Variants in MAPK8 observed in about 807,000 individuals in gnomAD.
MAPK8 encodes the protein JUN N-terminal kinase.
In MAPK8, 13 loss-of-function variants were observed where a neutral mutation model predicts 52.9. The observed-to-expected ratio is 0.25, with a 90% CI of 0.16 to 0.39. The LOEUF (loss-of-function observed/expected upper bound fraction) is 0.39. MAPK8 is among the 10% of genes least tolerant of loss of function. MAPK8 has a pLI of 1.00. For missense variants in MAPK8, 300 were observed against 519.2 expected (o/e 0.58, Z 4.10); for synonymous variants, 191 against 169.8 (o/e 1.12, Z -0.97).
intron 1 of MAPK8, among the ~76,000 whole-genome samples, chr10:48,345,254 A>G (rs1845660348): frequency 6.6e-6 from 1 of 152,182 alleles, no homozygotes; most frequent in Non-Finnish European, 1.5e-5. Context: ...TTGACCCAAT[A>G]CTTCTGTGAA....
rs147584001 is a variant in MAPK8, at chr10:48,353,671, A to G, written c.-50+46850A>G. Among the ~76,000 whole-genome samples the G allele has an allele frequency of 2.8e-3, 433 of 152,360 alleles. 3 individuals carry two copies. Among genetic ancestry groups the G allele is most frequent in the African/African-American group, 0.01 (416 of 41,582 alleles). ...GGGACATTTGTGATTCATTTGTATC[A>G]TGGAATCCTACTCAGCAATAAGAAG... is the stretch of plus-strand genomic sequence containing the variant. On this transcript the variant is annotated intron_variant, in intron 1 of 11. Coordinates refer to ENST00000374189, the MANE Select transcript of MAPK8 (RefSeq NM_001323329.2).
At chr10:48,366,713 A>G (rs1848079875) in intron 1 of MAPK8, among the ~76,000 whole-genome samples, 1 of 152,130 alleles carries the variant, frequency 6.6e-6, no homozygotes, top group East Asian at 1.9e-4. Flanking sequence ...AATCCACCAA[A>G]TTCATTTCAT....
chr10:48,426,425 C>T lies in MAPK8; in HGVS notation c.917C>T (p.Ala306Val). The change falls in exon 9 of 12, where the codon GCA (alanine) becomes GTA (valine). Residue 306 changes from alanine to valine, a missense_variant. This residue lies in a region of MAPK8 where 119 missense variants were observed against 154.4 expected (regional missense o/e 0.77). Coordinates refer to ENST00000374189, the MANE Select transcript of MAPK8 (RefSeq NM_001323329.2). Reference protein sequence around the residue: ...DLLSKMLVIDASKRISVDEAL... With the variant: ...DLLSKMLVIDVSKRISVDEAL... ...TTATCCAAAATGCTGGTAATAGATGCATCTAAAAGGATCTCTGTAGATGAA... is the reference window on the plus strand; with the variant it reads ...TTATCCAAAATGCTGGTAATAGATGTATCTAAAAGGATCTCTGTAGATGAA... 1 of 1,610,960 alleles carries T rather than the reference C, an allele frequency of 6.2e-7. No individual in the cohort carries two copies.
In MAPK8 at chr10:48,436,504, T is replaced by A. The variant is rs2044862788; in HGVS notation, c.*1475T>A. On this transcript the variant is annotated 3_prime_UTR_variant, in exon 12 of 12. Coordinates refer to ENST00000374189, the MANE Select transcript of MAPK8 (RefSeq NM_001323329.2). ...TCTCTGGAACAAGAGGGATTTCATG[T>A]AATGAACTAGGAAATGCATACTCAC... is the stretch of plus-strand genomic sequence containing the variant. 6.6e-6 allele frequency: 1 copy of A among 152,220 alleles called. No homozygotes were observed. The highest frequency in any genetic ancestry group is 1.5e-5 in the Non-Finnish European group (1 of 68,026). The allele number at this position is 152,220 out of a possible 1,614,324, so 9.4% of individuals were successfully genotyped here. A position where few individuals can be genotyped will look rare whatever the true frequency, so the allele number is the denominator to read the frequency against.
intron 1 of MAPK8, among the ~76,000 whole-genome samples, chr10:48,396,115 T>A (rs914630596): frequency 2.6e-5 from 4 of 151,956 alleles, no homozygotes; most frequent in Admixed American, 2.6e-4. Context: ...TTCATCAAAA[T>A]TAAAAACTTT....
intron 1 of MAPK8, among the ~76,000 whole-genome samples, chr10:48,344,181 A>G (rs942108371): frequency 6.6e-6 from 1 of 152,254 alleles, no homozygotes; most frequent in Admixed American, 6.5e-5. Context: ...CTGTAACCAC[A>G]AGAAGCAACG....
Position 48,317,440 on chromosome 10 carries a change from G to A in MAPK8, c.-50+10619G>A, listed in dbSNP as rs775634048. 2.4e-3 allele frequency among the ~76,000 whole-genome samples: 362 copies of A among 152,318 alleles called. 4 individuals carry two copies. The highest frequency in any genetic ancestry group is 3.0e-3 in the Non-Finnish European group (206 of 68,028). On this transcript the variant is annotated intron_variant, in intron 1 of 11. Transcript: ENST00000374189. Reference sequence around the variant, plus strand: ...CGCCTCCCAAAGTGCTGGGATTATAGGCGTGAGCCACCACACCCAGCCCCT... The same window carrying A: ...CGCCTCCCAAAGTGCTGGGATTATAAGCGTGAGCCACCACACCCAGCCCCT...
At chr10:48,403,481 A>G (rs2042267640) in intron 2 of MAPK8, among the ~76,000 whole-genome samples, 1 of 152,010 alleles carries the variant, frequency 6.6e-6, no homozygotes, top group African/African-American at 2.4e-5. Flanking sequence ...AATCAGAGCA[A>G]TTATGGTAAC....
rs1233962484 is a variant in MAPK8 at position 48,439,280 on chromosome 10, A to G, written c.*4251A>G. 6.7e-6 allele frequency: 1 copy of G among 149,922 alleles called. No homozygotes were observed. The highest frequency in any genetic ancestry group is 1.5e-5 in the Non-Finnish European group (1 of 67,692). The allele number at this position is 149,922 out of a possible 1,614,324, so 9.3% of individuals were successfully genotyped here. A position where few individuals can be genotyped will look rare whatever the true frequency, so the allele number is the denominator to read the frequency against. On this transcript the variant is annotated 3_prime_UTR_variant, in exon 12 of 12. Coordinates refer to ENST00000374189, the MANE Select transcript of MAPK8 (RefSeq NM_001323329.2). Reference sequence around the variant, plus strand: ...TAGTCATTAAACATGCACCACTGGAATGTAAACAATGTTATCTAGTATGTC... The same window carrying G: ...TAGTCATTAAACATGCACCACTGGAGTGTAAACAATGTTATCTAGTATGTC...
intron 1 of MAPK8, among the ~76,000 whole-genome samples, chr10:48,329,707 T>C (rs1055552892): frequency 2.0e-5 from 3 of 152,202 alleles, no homozygotes; most frequent in Admixed American, 6.5e-5. Context: ...GAAGAACATA[T>C]GTTACTGGAA....
chr10:48,313,208 G>A (rs985255672), intron 1 of MAPK8, among the ~76,000 whole-genome samples: 15 of 152,126 alleles, frequency 9.9e-5, no homozygotes, highest in Admixed American at 3.9e-4. Context: ...CGAGGCGGGC[G>A]GATCACCTGA....
chr10:48,415,270 A>C (rs1329448442), intron 5 of MAPK8, among the ~76,000 whole-genome samples: 1 of 152,130 alleles, frequency 6.6e-6, no homozygotes, highest in Middle Eastern at 3.2e-3. Flanking sequence ...GAGTCCTTAG[A>C]CCGGGGCAGT....
intron 3 of MAPK8, 107 bp downstream of exon 3, chr10:48,405,088 A>G: frequency 2.1e-6 from 1 of 482,632 alleles, no homozygotes. Flanking sequence ...GTTCTGTATT[A>G]AAACATTGTT....
At chr10:48,377,537 T>C (rs987806996) in intron 1 of MAPK8, among the ~76,000 whole-genome samples, 2 of 152,050 alleles carry the variant, frequency 1.3e-5, no homozygotes, top group African/African-American at 2.4e-5. Flanking sequence ...CAGAAGGAAT[T>C]GTGTAGCTTG....
chr10:48,377,387 G>A (rs2590386), intron 1 of MAPK8, among the ~76,000 whole-genome samples: 126,318 of 152,108 alleles, frequency 0.83, 52,969 homozygotes, highest in African/African-American at 0.96. Context: ...TCTTGGACCC[G>A]TGGTAGAAAG....
intron 1 of MAPK8, among the ~76,000 whole-genome samples, chr10:48,344,591 C>G (rs1340785296): frequency 1.3e-5 from 2 of 152,108 alleles, no homozygotes; most frequent in Admixed American, 1.3e-4. Flanking sequence ...TGATATACTG[C>G]CTAGCTTCCT....
At chr10:48,413,690 A>G (rs1184117948) in intron 5 of MAPK8, among the ~76,000 whole-genome samples, 5 of 151,346 alleles carry the variant, frequency 3.3e-5, no homozygotes, top group Non-Finnish European at 5.9e-5. Flanking sequence ...TATATGGAGC[A>G]ATGTAAAGTT....
At chr10:48,350,055 A>G (rs1368968621) in intron 1 of MAPK8, among the ~76,000 whole-genome samples, 1 of 152,238 alleles carries the variant, frequency 6.6e-6, no homozygotes, top group Non-Finnish European at 1.5e-5. Context: ...TAGCCTCCCA[A>G]GACTAAACCA....
chr10:48,316,237 A>G (rs1289364555), intron 1 of MAPK8, among the ~76,000 whole-genome samples: 1 of 152,110 alleles, frequency 6.6e-6, no homozygotes, highest in African/African-American at 2.4e-5. Context: ...TATTTTTTCT[A>G]TGTTTAGATA....
Sources: gnomAD v4.1 joint callset for allele counts (sites outside exome capture counted in the v4.1 genomes callset) on GRCh38, gnomAD v4.1.1 for gene constraint, gnomAD v4.1.1 regional missense constraint, MANE v1.5 for transcripts, NCBI Gene and HGNC (gene_info 2026-07-23, HGNC 2026-07-21) for gene names.